The following VAV3 variants were observed in gnomAD, a reference collection of about 807,000 sequenced individuals.
VAV3 encodes the protein vav guanine nucleotide exchange factor 3.
VAV3 carries 94 observed loss-of-function variants against 131.2 expected under a neutral mutation model. The ratio of observed to expected loss-of-function variants is 0.72; its 90% CI spans 0.61 to 0.85. VAV3 has a LOEUF of 0.85. VAV3 is among the 40% of genes least tolerant of loss of function. VAV3 has a pLI of 0.00. For missense variants in VAV3, 939 were observed against 1,002.7 expected (o/e 0.94, Z 0.86); for synonymous variants, 349 against 342.0 (o/e 1.02, Z -0.22).
intron 2 of VAV3, among the ~76,000 whole-genome samples, chr1:107,807,762 A>G (rs1399841198): frequency 2.0e-5 from 3 of 152,200 alleles, no homozygotes; most frequent in Non-Finnish European, 2.9e-5. Context: ...TTGAAATTCA[A>G]TGTAACTTAT....
At chr1:107,734,537 A>T (rs1477955607) in intron 15 of VAV3, among the ~76,000 whole-genome samples, 1 of 152,206 alleles carries the variant, frequency 6.6e-6, no homozygotes, top group Non-Finnish European at 1.5e-5. Context: ...ATGGAAAGCA[A>T]AAGAAAAGCA....
intron 7 of VAV3, among the ~76,000 whole-genome samples, chr1:107,767,244 A>AT (rs760609424): frequency 6.6e-6 from 1 of 152,170 alleles, no homozygotes; most frequent in Non-Finnish European, 1.5e-5. Context: ...AGAATTTCAC[A>AT]TTTTTCCCGA....
intron 20 of VAV3, among the ~76,000 whole-genome samples, chr1:107,634,129 C>T (rs1023722540): frequency 5.9e-5 from 9 of 152,088 alleles, no homozygotes; most frequent in South Asian, 2.1e-4. Flanking sequence ...TACTTTAAAG[C>T]TCATATGGAA....
intron 25 of VAV3, among the ~76,000 whole-genome samples, chr1:107,577,310 G>A (rs1649728655): frequency 6.6e-6 from 1 of 152,180 alleles, no homozygotes; most frequent in Non-Finnish European, 1.5e-5. Flanking sequence ...CTGCACTACT[G>A]TGCAACTGCC....
intron 25 of VAV3, among the ~76,000 whole-genome samples, chr1:107,584,152 T>C (rs561967089): frequency 0.014 from 2,069 of 152,230 alleles, 48 homozygotes; most frequent in African/African-American, 0.048. Flanking sequence ...AAACAAGCAA[T>C]GGGGAAAGGA....
At chr1:107,829,341 T>C (rs1307669121) in intron 2 of VAV3, among the ~76,000 whole-genome samples, 2 of 152,180 alleles carry the variant, frequency 1.3e-5, no homozygotes, top group South Asian at 4.1e-4. Context: ...AGCTTTTATG[T>C]GGGCTCCTCT....
chr1:107,669,313 T>C lies in VAV3; in HGVS notation c.1777+14175A>G, dbSNP rs1409696121. The C allele has an allele frequency of 7.0e-6, 9 of 1,289,486 alleles. No homozygotes were observed. The South Asian group carries it at 9.9e-5, about 14-fold the overall frequency. The allele number at this position is 1,289,486 out of a possible 1,614,324, so 79.9% of individuals were successfully genotyped here. The stretch of plus-strand genomic sequence containing the variant: ...GGACAAAAAGAGCTACCCAGTATTG[T>C]TGCTGGACACCAGCCTTGTCTGTCT... On this transcript the variant is annotated intron_variant, in intron 19 of 26. Transcript: ENST00000370056.
chr1:107,755,442 T>C lies in VAV3; in HGVS notation c.1158A>G (p.Leu386=), dbSNP rs959067486. Residue 386 remains leucine, a synonymous_variant, in exon 12 of 27, where the codon CTA becomes CTG. Coordinates refer to ENST00000370056, the MANE Select transcript of VAV3 (RefSeq NM_006113.5). ...AATTACATACCAAATTCTCTATAGATAGCTGAAACTGTTTAATTTCACGAA... is the reference window on the plus strand; with the variant it reads ...AATTACATACCAAATTCTCTATAGACAGCTGAAACTGTTTAATTTCACGAA... ...ETLREIKQFQ[L]SIENLNQPVL... The C allele has an allele frequency of 1.9e-5, 30 of 1,612,310 alleles. No homozygotes were observed. The highest frequency in any genetic ancestry group is 6.7e-5 in the African/African-American group (5 of 74,906).
chr1:107,791,972 A>G (rs1295219904), intron 2 of VAV3, among the ~76,000 whole-genome samples: 1 of 152,228 alleles, frequency 6.6e-6, no homozygotes, highest in Non-Finnish European at 1.5e-5. Context: ...CCCAGCTTTC[A>G]ATATTCAGAT....
chr1:107,619,715 A>G (rs1373829415), intron 20 of VAV3, among the ~76,000 whole-genome samples: 2 of 152,200 alleles, frequency 1.3e-5, no homozygotes, highest in African/African-American at 2.4e-5. Context: ...TGTATCAACA[A>G]ATTGGAAAAT....
intron 1 of VAV3, among the ~76,000 whole-genome samples, chr1:107,940,173 T>G (rs1673918343): frequency 6.6e-6 from 1 of 152,220 alleles, no homozygotes; most frequent in African/African-American, 2.4e-5. Flanking sequence ...TTGTTTGTTT[T>G]GAAACAGCTT....
intron 25 of VAV3, among the ~76,000 whole-genome samples, chr1:107,588,597 T>C (rs889770671): frequency 6.6e-6 from 1 of 152,182 alleles, no homozygotes; most frequent in Non-Finnish European, 1.5e-5. Flanking sequence ...TTAAACACTA[T>C]GAGACAGTGT....
chr1:107,845,884 T>C (rs1355788806), intron 2 of VAV3, among the ~76,000 whole-genome samples: 1 of 152,166 alleles, frequency 6.6e-6, no homozygotes, highest in Admixed American at 6.5e-5. Context: ...CTTCAGGATA[T>C]TATCCAGGAG....
At chr1:107,692,015 T>G (rs1659457861) in intron 17 of VAV3, among the ~76,000 whole-genome samples, 1 of 148,586 alleles carries the variant, frequency 6.7e-6, no homozygotes, top group South Asian at 2.2e-4. Context: ...TTGCTTTGTC[T>G]CTTATCTGAA....
At position 107,964,686 on chromosome 1, in the gene VAV3, G is replaced by A. The variant is rs972824946; in HGVS notation, c.184C>T (p.Leu62=). ...CTCACCTGGGACATCTGCGGCCTCA[G>A]GTTGATCTCCTTCAGGTTGATGGAG... ...AHSINLKEIN[L]RPQMSQFLCL... The change falls in exon 1 of 27, where the codon CTG becomes TTG. Residue 62 remains leucine (L), a synonymous_variant. Transcript: ENST00000370056. 1 of 1,613,660 alleles carries A rather than the reference G, an allele frequency of 6.2e-7. No homozygotes were observed. Among genetic ancestry groups the A allele is most frequent in the Non-Finnish European group, 8.5e-7 (1 of 1,179,850 alleles).
At chr1:107,716,378 A>T (rs535712731) in intron 15 of VAV3, among the ~76,000 whole-genome samples, 1 of 152,342 alleles carries the variant, frequency 6.6e-6, no homozygotes, top group South Asian at 2.1e-4. Flanking sequence ...CTGTAATCCC[A>T]GCACTTTGGG....
intron 15 of VAV3, among the ~76,000 whole-genome samples, chr1:107,735,990 A>G (rs918205261): frequency 1.3e-5 from 2 of 152,218 alleles, no homozygotes; most frequent in African/African-American, 2.4e-5. Context: ...CCAGCAACAC[A>G]TCAAAAAGCT....
intron 16 of VAV3, 44 bp downstream of exon 16, chr1:107,704,916 A>G (rs1047789097): frequency 6.5e-7 from 1 of 1,544,846 alleles, no homozygotes; most frequent in Admixed American, 1.7e-5. Flanking sequence ...CTTAGCAATT[A>G]TATCAGTTCC....
intron 19 of VAV3, among the ~76,000 whole-genome samples, chr1:107,661,884 G>A (rs1469032178): frequency 1.3e-5 from 2 of 152,094 alleles, no homozygotes; most frequent in South Asian, 2.1e-4. Flanking sequence ...AGGACTTGGT[G>A]ATACCGAATT....
Sources: allele counts gnomAD v4.1 joint callset (sites outside exome capture counted in the v4.1 genomes callset), GRCh38; gene constraint gnomAD v4.1.1; transcripts MANE v1.5; gene names NCBI Gene and HGNC (gene_info 2026-07-23, HGNC 2026-07-21).